CXCL13: variants seen among roughly 807,000 people sequenced by gnomAD.
CXCL13 encodes C-X-C motif chemokine 13.
A neutral mutation model predicts 12.2 loss-of-function variants in CXCL13; 7 were observed. The ratio of observed to expected loss-of-function variants is 0.57; its 90% CI spans 0.33 to 1.07. CXCL13 has a LOEUF of 1.07. Ranked by LOEUF, CXCL13 falls within the 50% of genes least tolerant of loss-of-function variation. The pLI is 0.04. For missense variants in CXCL13, 113 were observed against 127.4 expected, an observed-to-expected ratio of 0.89 and a Z score of 0.55; for synonymous variants, 47 against 42.4, an observed-to-expected ratio of 1.11 and a Z score of -0.42.
At chr4:77,541,928 C>G (rs1467719780) in intron 1 of CXCL13, among the ~76,000 whole-genome samples, 1 of 152,106 alleles carries the variant, frequency 6.6e-6, no homozygotes, top group African/African-American at 2.4e-5. Flanking sequence ...AGATCTTTCA[C>G]CTACTTGGTT....
chr4:77,583,830 A>G (rs1726392268), intron 1 of CXCL13, among the ~76,000 whole-genome samples: 1 of 151,920 alleles, frequency 6.6e-6, no homozygotes, highest in Non-Finnish European at 1.5e-5. Flanking sequence ...TCTATAAGGT[A>G]CTCTTCATGG....
In CXCL13 at chr4:77,517,942, G is replaced by C. The variant is rs544485322; in HGVS notation, c.-43+6154G>C. On this transcript the variant is annotated intron_variant, in intron 1 of 4. Coordinates refer to the CXCL13 transcript ENST00000286758. ...TTTTGGCATGATTTTGCAGCGGCTGGTACCGGTTGTTCCTTTCCACGTTTA... is the reference window on the plus strand; with the variant it reads ...TTTTGGCATGATTTTGCAGCGGCTGCTACCGGTTGTTCCTTTCCACGTTTA... Among the ~76,000 whole-genome samples, 4 of 152,268 alleles carry C rather than the reference G, an allele frequency of 2.6e-5. No homozygotes were observed. In the South Asian group the frequency reaches 8.3e-4, roughly 32 times the overall value.
intron 1 of CXCL13, among the ~76,000 whole-genome samples, chr4:77,585,201 G>C (rs1056793882): frequency 1.3e-5 from 2 of 152,286 alleles, no homozygotes; most frequent in Non-Finnish European, 2.9e-5. Context: ...TAAAAATTGG[G>C]AGAAAGGCTT....
At chr4:77,542,282 A>T (rs1295737556) in intron 1 of CXCL13, among the ~76,000 whole-genome samples, 3 of 152,110 alleles carry the variant, frequency 2.0e-5, no homozygotes, top group Non-Finnish European at 2.9e-5. Context: ...TACTTGTCTT[A>T]TGCCAGTTCT....
chr4:77,593,341 G>C (rs376274209), intron 1 of CXCL13, among the ~76,000 whole-genome samples: 1 of 152,346 alleles, frequency 6.6e-6, no homozygotes, highest in Middle Eastern at 3.4e-3. Context: ...AGAAGGAGCA[G>C]TAATAATCAT....
At chr4:77,555,981 A>G (rs1004416331) in intron 1 of CXCL13, among the ~76,000 whole-genome samples, 1 of 152,236 alleles carries the variant, frequency 6.6e-6, no homozygotes, top group Non-Finnish European at 1.5e-5. Context: ...TTATGGAGCC[A>G]CTGAAACTCT....
At chr4:77,545,206 C>T (rs1725325829) in intron 1 of CXCL13, among the ~76,000 whole-genome samples, 1 of 152,120 alleles carries the variant, frequency 6.6e-6, no homozygotes, top group Non-Finnish European at 1.5e-5. Flanking sequence ...GTTCTTTTGG[C>T]TTAGGACTGT....
intron 1 of CXCL13, among the ~76,000 whole-genome samples, chr4:77,547,778 A>G (rs1238964594): frequency 6.6e-6 from 1 of 152,158 alleles, no homozygotes; most frequent in Admixed American, 6.6e-5. Context: ...TGTCATTATG[A>G]TGTTAGCTGG....
At chr4:77,583,635 T>A (rs1203325800) in intron 1 of CXCL13, among the ~76,000 whole-genome samples, 1 of 152,190 alleles carries the variant, frequency 6.6e-6, no homozygotes, top group Non-Finnish European at 1.5e-5. Flanking sequence ...CAGAGGCAGC[T>A]GCAATAAGAA....
In CXCL13 at chr4:77,522,901, C is replaced by T. The variant is rs112414651; in HGVS notation, c.-43+11113C>T. ...CTTCAGGAACTCTTGTAAGGCAGGC[C>T]TGGTGGTGACAAAATCTCTCAGCAT... On this transcript the variant is annotated intron_variant, in intron 1 of 4. Coordinates refer to the CXCL13 transcript ENST00000286758. Among the ~76,000 whole-genome samples, 11 of 152,210 alleles carry T rather than the reference C, an allele frequency of 7.2e-5. 2 individuals are homozygous for T. Among genetic ancestry groups the T allele is most frequent in the African/African-American group, 2.6e-4 (11 of 41,550 alleles).
Position 77,567,458 on chromosome 4 carries a change from C to T in CXCL13, c.-42-38366C>T, listed in dbSNP as rs190433931. Among the ~76,000 whole-genome samples the T allele has an allele frequency of 2.6e-5, 4 of 152,320 alleles. No homozygotes were observed. In the East Asian group the frequency reaches 7.7e-4, roughly 29 times the overall value. On this transcript the variant is annotated intron_variant, in intron 1 of 4. Transcript: ENST00000286758. ...AATACTTACTGGCATTGTTCAAAGT[C>T]CAGTCAGAGACTTTTCACAAAGGGA...
chr4:77,556,293 T>C (rs1298186120), intron 1 of CXCL13, among the ~76,000 whole-genome samples: 1 of 152,200 alleles, frequency 6.6e-6, no homozygotes, highest in Non-Finnish European at 1.5e-5. Flanking sequence ...ACTATTGATA[T>C]ACAGAGTGTG....
At chr4:77,519,632 C>A (rs574177461) in intron 1 of CXCL13, among the ~76,000 whole-genome samples, 1 of 152,174 alleles carries the variant, frequency 6.6e-6, no homozygotes, top group East Asian at 1.9e-4. Flanking sequence ...TCAGATGGGT[C>A]AATTGCAAAA....
intron 1 of CXCL13, among the ~76,000 whole-genome samples, chr4:77,563,729 A>G (rs1212411273): frequency 6.6e-6 from 1 of 152,230 alleles, no homozygotes; most frequent in Non-Finnish European, 1.5e-5. Flanking sequence ...AGGGGAATAT[A>G]CAGAAAAACA....
At chr4:77,561,070 A>C (rs115236196) in intron 1 of CXCL13, among the ~76,000 whole-genome samples, 1 of 152,130 alleles carries the variant, frequency 6.6e-6, no homozygotes, top group Non-Finnish European at 1.5e-5. Flanking sequence ...TTATAATTAA[A>C]CTTTTTCTGT....
intron 1 of CXCL13, among the ~76,000 whole-genome samples, chr4:77,519,889 G>A (rs535077408): frequency 1.0e-3 from 157 of 152,250 alleles, no homozygotes; most frequent in African/African-American, 3.3e-3. Context: ...ATTAATTTTC[G>A]TATAAGGTGT....
chr4:77,521,875 G>A (rs957030328), intron 1 of CXCL13, among the ~76,000 whole-genome samples: 1 of 152,078 alleles, frequency 6.6e-6, no homozygotes, highest in Admixed American at 6.5e-5. Context: ...TCTACACACT[G>A]CTTTAAATGT....
intron 1 of CXCL13, among the ~76,000 whole-genome samples, chr4:77,519,557 A>T (rs368476067): frequency 2.0e-5 from 3 of 151,922 alleles, no homozygotes; most frequent in African/African-American, 7.2e-5. Context: ...CTACTTTTTG[A>T]TGGGGTTGTT....
intron 1 of CXCL13, among the ~76,000 whole-genome samples, chr4:77,552,487 T>C (rs1725556181): frequency 6.6e-6 from 1 of 152,230 alleles, no homozygotes; most frequent in Non-Finnish European, 1.5e-5. Context: ...TGTGTGATCC[T>C]TGTTTACTGA....
Sources: allele counts gnomAD v4.1 joint callset (sites outside exome capture counted in the v4.1 genomes callset), GRCh38; gene constraint gnomAD v4.1.1; transcripts MANE v1.5; gene names NCBI Gene and HGNC (gene_info 2026-07-23, HGNC 2026-07-21).